The following RHBDF1 variants were observed in gnomAD, a reference collection of about 807,000 sequenced individuals.
The protein encoded by RHBDF1 is rhomboid 5 homolog 1.
Under a neutral mutation model 98.6 loss-of-function variants are expected in RHBDF1, and 80 were observed. The ratio of observed to expected loss-of-function variants is 0.81; its 90% confidence interval spans 0.68 to 0.98. RHBDF1 has a LOEUF of 0.98. RHBDF1 is among the 50% of genes least tolerant of loss of function. The probability of loss-of-function intolerance (pLI) is 0.00; values close to 1 mark genes in which losing one functional copy is unlikely to be tolerated. For synonymous variants in RHBDF1, 512 were observed against 486.8 expected (o/e 1.05, Z -0.68); for missense variants, 1,116 against 1,198.3 (o/e 0.93, Z 1.01).
intron 3 of RHBDF1, chr16:64,401 G>A (rs925820438): frequency 1.4e-6 from 2 of 1,396,722 alleles, no homozygotes; most frequent in South Asian, 1.2e-5. Context: ...GACCCAAGAG[G>A]GGCAGAGTGT....
In RHBDF1 at chr16:58,604, G is replaced by A. The variant is rs1897472464; in HGVS notation, c.2304C>T (p.Asp768=). The A allele has an allele frequency of 6.2e-7, 1 of 1,613,604 alleles. No homozygotes were observed. The highest frequency in any genetic ancestry group is 8.5e-7 in the Non-Finnish European group (1 of 1,180,000). Residue 768 remains aspartate (D), a synonymous_variant, in exon 18 of 18, where the codon GAC becomes GAT. Transcript: ENST00000262316. ...TGAACCCTGAGATGTGGGCAAAGTT[G>A]TCAATCCACGGCAGCAGCCCAAAGG... The part of the protein sequence containing the change: ...LFTFGLLPWI[D]NFAHISGFIS...
intron 16 of RHBDF1, 36 bp downstream of exon 16, chr16:59,213 C>T (rs1897505488): frequency 6.3e-7 from 1 of 1,592,050 alleles, no homozygotes; most frequent in South Asian, 1.1e-5. Context: ...TCCTGAGGGC[C>T]CTGAGACCCC....
chr16:62,435 A>G (rs746958064), intron 7 of RHBDF1, 103 bp downstream of exon 7: 3 of 1,439,880 alleles, frequency 2.1e-6, no homozygotes, highest in Non-Finnish European at 2.8e-6. Flanking sequence ...CCCTGAGGCT[A>G]CCCCTTCCAT....
At chr16:58,947 G>C (rs766936734) in intron 17 of RHBDF1, 27 bp downstream of exon 17, 2 of 1,610,430 alleles carry the variant, frequency 1.2e-6, no homozygotes, top group South Asian at 2.2e-5. Context: ...CACACGGGAG[G>C]ATCCCCACCC....
chr16:62,275 C>A (rs1897662829), intron 7 of RHBDF1: 1 of 718,806 alleles, frequency 1.4e-6, no homozygotes, highest in Non-Finnish European at 2.2e-6. Context: ...GCAAGTATCA[C>A]CTCTGTCACC....
intron 1 of RHBDF1, among the ~76,000 whole-genome samples, chr16:70,974 C>T (rs1897952888): frequency 6.6e-6 from 1 of 152,266 alleles, no homozygotes; most frequent in African/African-American, 2.4e-5. Context: ...CTGGCACAGA[C>T]ACTGAGGTGG....
chr16:59,597 AG>A lies in RHBDF1; in HGVS notation c.1818-104del, dbSNP rs1211201069. On this transcript the variant is annotated intron_variant, in intron 14 of 17. Coordinates refer to ENST00000262316, the MANE Select transcript of RHBDF1 (RefSeq NM_022450.5). ...CACCTACCCACCTTTGTTGGCCCCA[AG>A]GAAGTCCAGACCCCCTCTAACCCCA... The A allele has an allele frequency of 4.7e-6, 7 of 1,475,620 alleles. No homozygotes were observed. The African/African-American group carries it at 5.5e-5, about 12-fold the overall frequency. 91.4% of individuals were successfully genotyped at this position (1,475,620 alleles called of 1,614,324 possible). A position where few individuals can be genotyped will look rare whatever the true frequency, so the allele number is the denominator to read the frequency against.
chr16:62,624 T>C lies in RHBDF1; in HGVS notation c.867A>G (p.Leu289=). 2.5e-6 allele frequency: 4 copies of C among 1,614,014 alleles called. No homozygotes were observed. The highest frequency in any genetic ancestry group is 3.4e-6 in the Non-Finnish European group (4 of 1,180,034). The change falls in exon 7 of 18, where the codon CTA becomes CTG. Residue 289 remains leucine (L), a synonymous_variant. Coordinates refer to ENST00000262316, the MANE Select transcript of RHBDF1 (RefSeq NM_022450.5). ...GCTCCGGTGCCTTCTCCCAGTCCTT[T>C]AGCGCTGCCTCCGATGGGGACTCGA... ...EVFESPSEAA[L]KDWEKAPEQA... is the part of the protein sequence containing the mutation.
At position 62,596 on chromosome 16, in the gene RHBDF1, C is replaced by G. The variant is rs772785784; in HGVS notation, c.895G>C (p.Ala299Pro). ...TCCAGGGCCCCGCCGGTGAGGTCCGCCTGCTCCGGTGCCTTCTCCCAGTCC... is the reference window on the plus strand; with the variant it reads ...TCCAGGGCCCCGCCGGTGAGGTCCGGCTGCTCCGGTGCCTTCTCCCAGTCC... ...LKDWEKAPEQ[A>P]DLTGGALDRS... Residue 299 changes from alanine to proline, a missense_variant, in exon 7 of 18, where the codon GCG becomes CCG. By Grantham distance (27) the Ala-to-Pro change is conservative. Coordinates refer to ENST00000262316, the MANE Select transcript of RHBDF1 (RefSeq NM_022450.5). The G allele has an allele frequency of 2.5e-6, 4 of 1,613,656 alleles. No homozygotes were observed. The highest frequency in any genetic ancestry group is 3.4e-6 in the Non-Finnish European group (4 of 1,180,040).
chr16:62,239 G>A (rs922485208), intron 7 of RHBDF1, 187 bp from the exon 8 acceptor site: 10 of 831,532 alleles, frequency 1.2e-5, no homozygotes, highest in East Asian at 5.5e-5. Context: ...GAGCTGGAAC[G>A]GGGACACACT....
intron 3 of RHBDF1, chr16:64,412 G>A (rs1168413253): frequency 1.4e-6 from 2 of 1,414,816 alleles, no homozygotes; most frequent in Non-Finnish European, 1.9e-6. Flanking sequence ...GGCAGAGTGT[G>A]GACACGCCCG....
At position 60,333 on chromosome 16, in the gene RHBDF1, C is replaced by T. The variant is rs1032612364; in HGVS notation, c.1659-54G>A. On this transcript the variant is annotated intron_variant, in intron 12 of 17. Transcript: ENST00000262316. ...GGCTTCGAGCCCCTAGCATTGGCACCCTTCCAGCCAAGTCGCCAACAAGAG... is the reference window on the plus strand; with the variant it reads ...GGCTTCGAGCCCCTAGCATTGGCACTCTTCCAGCCAAGTCGCCAACAAGAG... The T allele has an allele frequency of 1.1e-5, 17 of 1,610,082 alleles. No individual in the cohort carries two copies. In the African/African-American group the frequency reaches 1.9e-4, roughly 18 times the overall value.
At position 62,564 on chromosome 16, in the gene RHBDF1, G is replaced by A. The variant is rs560942763; in HGVS notation, c.927C>T (p.Ser309=). The change falls in exon 7 of 18, where the codon AGC becomes AGT. Residue 309 remains serine, a synonymous_variant. Transcript: ENST00000262316. ...GCATCAGGTGGCTGCGCTCAAGCTC[G>A]CTGCGGTCCAGGGCCCCGCCGGTGA... ...ADLTGGALDR[S]ELERSHLMLP... The A allele has an allele frequency of 1.7e-5, 28 of 1,613,190 alleles. No individual in the cohort carries two copies. The East Asian group carries it at 2.2e-4, about 13-fold the overall frequency.
At chr16:60,615 G>C (rs905709822) in intron 11 of RHBDF1, 76 bp from the exon 12 acceptor site, 1 of 1,075,404 alleles carries the variant, frequency 9.3e-7, no homozygotes, top group Non-Finnish European at 1.4e-6. Flanking sequence ...AGGAGTCGAA[G>C]GCAAAACCAC....
rs981190940 is a variant in RHBDF1, at chr16:62,798, G to T, written c.772C>A (p.Leu258Met). The T allele has an allele frequency of 6.2e-7, 1 of 1,614,080 alleles. No homozygotes were observed. Among genetic ancestry groups the T allele is most frequent in the South Asian group, 1.1e-5 (1 of 91,082 alleles). ...ACCCGGGCAAAGAAGGATGTGTCCA[G>T]CTCATCGGGGAAATCAGTTGTGTCC... ...EEDTTDFPDE[L>M]DTSFFAREGI... is the part of the protein sequence containing the mutation. Residue 258 changes from leucine (L) to methionine (M), a missense_variant, in exon 6 of 18, where the codon CTG becomes ATG. Transcript: ENST00000262316.
chr16:64,637 C>A (rs1248604437), intron 3 of RHBDF1, 62 bp downstream of exon 3: 2 of 1,564,254 alleles, frequency 1.3e-6, no homozygotes, highest in East Asian at 4.5e-5. Flanking sequence ...CCTCTGTGTA[C>A]CTGCCTCTGC....
upstream of RHBDF1, among the ~76,000 whole-genome samples, chr16:74,457 G>C (rs957818135): frequency 6.6e-6 from 1 of 152,138 alleles, no homozygotes; most frequent in Admixed American, 6.5e-5. Flanking sequence ...CAGCTGCCAG[G>C]AGCACCAGTC....
chr16:75,228 A>C (rs1016571502), upstream of RHBDF1, among the ~76,000 whole-genome samples: 2 of 152,176 alleles, frequency 1.3e-5, no homozygotes, highest in African/African-American at 4.8e-5. Context: ...GCTGGTGGGC[A>C]GGCGTCTGAG....
Position 63,620 on chromosome 16 carries a change from G to C in RHBDF1, c.429C>G (p.Leu143=), listed in dbSNP as rs374225456. The stretch of plus-strand genomic sequence containing the variant: ...TGCCCAGCTGGCATGGCCCCACGTA[G>C]AGTGGGGGTGGCGTCTCGGTGCTGG... ...SLTSTETPPP[L]YVGPCQLGMQ... is the part of the protein sequence containing the mutation. The change falls in exon 4 of 18, where the codon CTC becomes CTG. Residue 143 remains leucine, a synonymous_variant. Coordinates refer to ENST00000262316, the MANE Select transcript of RHBDF1 (RefSeq NM_022450.5). 19 of 1,585,810 alleles carry C rather than the reference G, an allele frequency of 1.2e-5. No homozygotes were observed. The highest frequency in any genetic ancestry group is 7.9e-5 in the South Asian group (7 of 88,198).
Sources: gnomAD v4.1 joint callset for allele counts (sites outside exome capture counted in the v4.1 genomes callset) on GRCh38, gnomAD v4.1.1 for gene constraint, MANE v1.5 for transcripts, NCBI Gene and HGNC (gene_info 2026-07-23, HGNC 2026-07-21) for gene names.